The following PIGX variants were observed in gnomAD, a reference collection of about 807,000 sequenced individuals.
PIGX encodes GPI alpha-1,4-mannosyltransferase I, stabilizing subunit.
PIGX carries 24 observed loss-of-function variants against 28.7 expected under a neutral mutation model. That is an observed-to-expected ratio of 0.84 (90% CI 0.60 to 1.17). The LOEUF (loss-of-function observed/expected upper bound fraction) is 1.17. Among genes scored for constraint, PIGX ranks in the 50% most tolerant of loss-of-function variants. The pLI is 0.00. For synonymous variants in PIGX, 127 were observed against 121.0 expected, an observed-to-expected ratio of 1.05 and a Z score of -0.33; for missense variants, 305 against 317.8, an observed-to-expected ratio of 0.96 and a Z score of 0.31.
At chr3:196,714,522 C>T (rs1377389034) in intron 1 of PIGX, among the ~76,000 whole-genome samples, 4 of 148,412 alleles carry the variant, frequency 2.7e-5, no homozygotes, top group East Asian at 2.0e-4. Context: ...AGTGCAGTGG[C>T]GCAATCTCGG....
At chr3:196,730,482 G>A (rs1182091948) in intron 4 of PIGX, among the ~76,000 whole-genome samples, 1 of 152,100 alleles carries the variant, frequency 6.6e-6, no homozygotes, top group East Asian at 1.9e-4. Flanking sequence ...AGGCGTAGTG[G>A]CTCACGCCTG....
rs139846667 is a variant in PIGX, at chr3:196,728,887, C to CTG, written c.532+752_532+753dup. 3,284 of 584,950 alleles carry CTG rather than the reference C, an allele frequency of 5.6e-3. 68 individuals are homozygous for CTG. Among genetic ancestry groups the CTG allele is most frequent in the African/African-American group, 0.055 (2,914 of 53,256 alleles). 36.2% of individuals were successfully genotyped at this position (584,950 alleles called of 1,614,324 possible). A position where few individuals can be genotyped will look rare whatever the true frequency, so the allele number is the denominator to read the frequency against. On this transcript the variant is annotated intron_variant, in intron 4 of 5. Coordinates refer to ENST00000392391, the MANE Select transcript of PIGX (RefSeq NM_017861.4). ...TTCTTGTTATCAGTATTGCAGGACT[C>CTG]TGGCTTTTGATGTTTTGTTTCTACT...
chr3:196,716,485 A>T (rs1468283354), intron 1 of PIGX, among the ~76,000 whole-genome samples: 2 of 152,182 alleles, frequency 1.3e-5, no homozygotes, highest in Non-Finnish European at 2.9e-5. Context: ...TAATATTAAT[A>T]AAAAACACTT....
intron 3 of PIGX, among the ~76,000 whole-genome samples, chr3:196,727,645 A>G (rs1454913127): frequency 2.0e-5 from 3 of 152,212 alleles, no homozygotes; most frequent in African/African-American, 7.2e-5. Flanking sequence ...GCAAAGACTA[A>G]TAAGAAAATA....
chr3:196,713,058 CA>C, intron 1 of PIGX: 1 of 986,142 alleles, frequency 1.0e-6, no homozygotes, highest in Non-Finnish European at 1.2e-6. Flanking sequence ...GTTGTTCGTG[CA>C]AGTAGTAGTT....
At chr3:196,712,919 C>G (rs1165108396) in intron 1 of PIGX, 2 of 1,029,786 alleles carry the variant, frequency 1.9e-6, no homozygotes, top group Non-Finnish European at 2.3e-6. Flanking sequence ...GAAAGTCAGC[C>G]GTCAAGCGTC....
In PIGX at chr3:196,712,414, A is replaced by C. The variant is rs1207992476; in HGVS notation, c.-119A>C. The C allele has an allele frequency of 5.1e-6, 2 of 392,272 alleles. No individual in the cohort carries two copies. The highest frequency in any genetic ancestry group is 7.7e-6 in the Non-Finnish European group (2 of 260,206). The allele number at this position is 392,272 out of a possible 1,614,324, so 24.3% of individuals were successfully genotyped here. On this transcript the variant is annotated 5_prime_UTR_variant, in exon 1 of 6. Coordinates refer to ENST00000392391, the MANE Select transcript of PIGX (RefSeq NM_017861.4). ...CGGGCGCTAGGCGCGCGCACCCAGC[A>C]CTCGGTCCCAGCCGATAAATCTGGG... is the stretch of plus-strand genomic sequence containing the variant.
chr3:196,723,453 C>T (rs912155391), intron 3 of PIGX, among the ~76,000 whole-genome samples: 6 of 152,216 alleles, frequency 3.9e-5, no homozygotes, highest in African/African-American at 7.2e-5. Context: ...ATGTTGTTGC[C>T]CTTGTTGGAC....
rs748480348 is a variant in PIGX at position 196,733,821 on chromosome 3, T to C, written c.696T>C (p.Cys232=). 2 of 1,582,772 alleles carry C rather than the reference T, an allele frequency of 1.3e-6. No homozygotes were observed. Among genetic ancestry groups the C allele is most frequent in the East Asian group, 4.5e-5 (2 of 44,740 alleles). Residue 232 remains cysteine, a synonymous_variant, in exon 6 of 6, where the codon TGT becomes TGC. Coordinates refer to ENST00000392391, the MANE Select transcript of PIGX (RefSeq NM_017861.4). This position sits in a 1 kb window ranked among gnomAD's most constrained non-coding sequence, Gnocchi z 4.3. ...TGACTGTACATACCTCTCTAGTATGTTCTGTGACTCTGCTCATTACAATCC... is the reference window on the plus strand; with the variant it reads ...TGACTGTACATACCTCTCTAGTATGCTCTGTGACTCTGCTCATTACAATCC...
chr3:196,712,811 T>G, intron 1 of PIGX, 167 bp downstream of exon 1: 1 of 1,104,854 alleles, frequency 9.1e-7, no homozygotes, highest in Middle Eastern at 4.0e-4. Flanking sequence ...TCCCGTGCGC[T>G]TTGCTCTGCG....
rs1184993729 is a variant in PIGX, at chr3:196,734,857, A to T, written c.*955A>T. 5 of 152,228 alleles carry T rather than the reference A, an allele frequency of 3.3e-5. No homozygotes were observed. Among genetic ancestry groups the T allele is most frequent in the Non-Finnish European group, 7.3e-5 (5 of 68,046 alleles). The allele number at this position is 152,228 out of a possible 1,614,324, so 9.4% of individuals were successfully genotyped here. ...ATTTGGTACAGAGTATGTCAGGAAG[A>T]CAACTCAGATTGCCATTTTAAATAA... is the stretch of plus-strand genomic sequence containing the variant. On this transcript the variant is annotated 3_prime_UTR_variant, in exon 6 of 6. Transcript: ENST00000392391.
chr3:196,721,523 C>T (rs1434275827), intron 2 of PIGX, among the ~76,000 whole-genome samples: 1 of 151,858 alleles, frequency 6.6e-6, no homozygotes, highest in Non-Finnish European at 1.5e-5. Flanking sequence ...GCAGCCTCGA[C>T]CTCCTGGGCT....
intron 2 of PIGX, among the ~76,000 whole-genome samples, chr3:196,722,193 C>T (rs1342563600): frequency 6.6e-6 from 1 of 152,100 alleles, no homozygotes; most frequent in East Asian, 1.9e-4. Flanking sequence ...TTTCATTGAT[C>T]TTTGTCTATT....
chr3:196,712,740 A>G, intron 1 of PIGX, 96 bp downstream of exon 1: 1 of 1,110,962 alleles, frequency 9.0e-7, no homozygotes. Context: ...CCGGCGCGGG[A>G]CCTAGATCAG....
At chr3:196,721,390 C>G (rs2108680681) in intron 2 of PIGX, 1 of 162,878 alleles carries the variant, frequency 6.1e-6, no homozygotes, top group Non-Finnish European at 1.4e-5. Context: ...TATTCTTCAT[C>G]TCTTAAAGTT....
intron 4 of PIGX, chr3:196,728,749 A>G (rs776568876): frequency 9.1e-6 from 7 of 766,206 alleles, no homozygotes; most frequent in Non-Finnish European, 1.4e-5. Context: ...CTTTGACAAA[A>G]CTATAGGTCA....
intron 1 of PIGX, among the ~76,000 whole-genome samples, chr3:196,714,682 A>C (rs1577667584): frequency 1.3e-5 from 2 of 152,206 alleles, no homozygotes; most frequent in African/African-American, 4.8e-5. Context: ...GGTTGGTCTT[A>C]AACTGTTGAC....
At position 196,712,392 on chromosome 3, in the gene PIGX, GC is replaced by G. The variant is rs1711850148; in HGVS notation, c.-140del. ...GGCTGCAGGCAGCTGGGAACCGCGG[GC>G]GCTAGGCGCGCGCACCCAGCACTCG... On this transcript the variant is annotated 5_prime_UTR_variant, in exon 1 of 6. Coordinates refer to ENST00000392391, the MANE Select transcript of PIGX (RefSeq NM_017861.4). The G allele has an allele frequency of 3.1e-6, 1 of 326,234 alleles. No homozygotes were observed. The allele number at this position is 326,234 out of a possible 1,614,324, so 20.2% of individuals were successfully genotyped here.
At chr3:196,715,159 A>T (rs1460927735) in intron 1 of PIGX, among the ~76,000 whole-genome samples, 1 of 152,210 alleles carries the variant, frequency 6.6e-6, no homozygotes, top group Admixed American at 6.5e-5. Context: ...GAATTTGGGG[A>T]TTTGTTTATT....
Sources: gnomAD v4.1 joint callset for allele counts (sites outside exome capture counted in the v4.1 genomes callset) on GRCh38, gnomAD v4.1.1 for gene constraint, Gnocchi (gnomAD v3.1) non-coding constraint, MANE v1.5 for transcripts, NCBI Gene and HGNC (gene_info 2026-07-23, HGNC 2026-07-21) for gene names.